MRTFA: variants seen among roughly 807,000 people sequenced by gnomAD.
The protein encoded by MRTFA is myocardin related transcription factor A.
In MRTFA, 20 loss-of-function variants were observed where a neutral mutation model predicts 83.5. The observed-to-expected ratio is 0.24, with a 90% CI of 0.17 to 0.35. The LOEUF is 0.35. MRTFA is among the 10% of genes least tolerant of loss of function. MRTFA has a pLI of 1.00. For synonymous variants in MRTFA, 659 were observed against 541.2 expected (o/e 1.22, Z -3.02); for missense variants, 1,200 against 1,224.7 (o/e 0.98, Z 0.30).
intron 1 of MRTFA, among the ~76,000 whole-genome samples, chr22:40,626,465 G>A (rs947153156): frequency 1.3e-5 from 2 of 151,982 alleles, no homozygotes; most frequent in East Asian, 1.9e-4. Flanking sequence ...GTTATTTTTT[G>A]TATTTTTTGT....
intron 3 of MRTFA, among the ~76,000 whole-genome samples, chr22:40,531,683 A>T (rs762279029): frequency 1.4e-4 from 22 of 152,222 alleles, no homozygotes; most frequent in Non-Finnish European, 2.9e-4. Flanking sequence ...GATAAAGCCC[A>T]AAAGTCTTGA....
chr22:40,496,740 A>C (rs967249921), intron 3 of MRTFA, among the ~76,000 whole-genome samples: 8 of 143,570 alleles, frequency 5.6e-5, no homozygotes, highest in Admixed American at 5.6e-4. Context: ...AGAACAATCT[A>C]TTTTCTCTTT....
chr22:40,416,613 C>A lies in MRTFA; in HGVS notation c.2578+373G>T, dbSNP rs1003213948. 6.6e-6 allele frequency among the ~76,000 whole-genome samples: 1 copy of A among 152,252 alleles called. No individual in the cohort carries two copies. Among genetic ancestry groups the A allele is most frequent in the African/African-American group, 2.4e-5 (1 of 41,472 alleles). On this transcript the variant is annotated intron_variant, in intron 14 of 14. Coordinates refer to ENST00000355630, the MANE Select transcript of MRTFA (RefSeq NM_020831.6). The surrounding 1 kb of genome is among the most constrained non-coding windows in gnomAD (Gnocchi z 4.2). ...GACATCCTGGACCTTCCCCACCAGG[C>A]TCCCCAGACCTCTCCCTCTCCTCCA...
intron 4 of MRTFA, among the ~76,000 whole-genome samples, chr22:40,454,967 A>G (rs2053557015): frequency 6.6e-6 from 1 of 152,138 alleles, no homozygotes; most frequent in Non-Finnish European, 1.5e-5. Context: ...TGCCTGGCTA[A>G]TTTTTAAAAA....
intron 3 of MRTFA, among the ~76,000 whole-genome samples, chr22:40,549,811 G>C (rs983448215): frequency 5.9e-5 from 9 of 152,284 alleles, no homozygotes; most frequent in South Asian, 4.1e-4. Flanking sequence ...CAGCACTTTG[G>C]GGGGCCAAGG....
In MRTFA at chr22:40,418,493, G is replaced by C. The variant is rs144758927; in HGVS notation, c.2245C>G (p.Leu749Val). Residue 749 changes from leucine to valine, a missense_variant, in exon 12 of 15, where the codon CTC becomes GTC. Physicochemically the swap from Leu to Val is conservative, Grantham distance 32 (BLOSUM62 1). Transcript: ENST00000355630. ...GTGGGAGGTGCAACCCCCTTGATGA[G>C]GCTGGGGCCCTGAGGCCCCAGAAGC... 6.2e-7 allele frequency: 1 copy of C among 1,607,876 alleles called. No individual in the cohort carries two copies. Among genetic ancestry groups the C allele is most frequent in the Non-Finnish European group, 8.5e-7 (1 of 1,178,036 alleles).
chr22:40,528,263 T>A (rs1308519203), intron 3 of MRTFA, among the ~76,000 whole-genome samples: 3 of 152,162 alleles, frequency 2.0e-5, no homozygotes, highest in Non-Finnish European at 4.4e-5. Context: ...TTCTGAGTAG[T>A]GACAGAATCC....
chr22:40,615,054 A>G (rs1487220364), intron 1 of MRTFA, among the ~76,000 whole-genome samples: 1 of 152,122 alleles, frequency 6.6e-6, no homozygotes, highest in African/African-American at 2.4e-5. Flanking sequence ...CTAGAAAAAA[A>G]AAAATCTGCC....
chr22:40,527,532 C>A (rs1317063360), intron 3 of MRTFA, among the ~76,000 whole-genome samples: 4 of 151,772 alleles, frequency 2.6e-5, no homozygotes, highest in Non-Finnish European at 5.9e-5. Flanking sequence ...CTGAGGTGGG[C>A]AGATCACGAA....
intron 1 of MRTFA, among the ~76,000 whole-genome samples, chr22:40,607,238 C>T (rs931013075): frequency 1.3e-5 from 2 of 152,146 alleles, no homozygotes; most frequent in Non-Finnish European, 2.9e-5. Flanking sequence ...GGTGCGGTGG[C>T]TCACGCTTGT....
intron 3 of MRTFA, among the ~76,000 whole-genome samples, chr22:40,473,255 GC>G (rs2053944449): frequency 6.6e-6 from 1 of 152,080 alleles, no homozygotes; most frequent in African/African-American, 2.4e-5. Flanking sequence ...GACCCACCAG[GC>G]TCAAACAATC....
At chr22:40,505,095 TACTC>T (rs1343583314) in intron 3 of MRTFA, among the ~76,000 whole-genome samples, 7 of 152,320 alleles carry the variant, frequency 4.6e-5, no homozygotes, top group East Asian at 3.9e-4. Flanking sequence ...CATTATCAGA[TACTC>T]ACAGCATCTA....
chr22:40,433,455 C>T (rs1367062117), intron 5 of MRTFA: 1 of 152,188 alleles, frequency 6.6e-6, no homozygotes, highest in African/African-American at 2.4e-5. Flanking sequence ...GGCAACATAG[C>T]AAAATCCCAC....
chr22:40,478,053 G>C (rs1333393919), intron 3 of MRTFA, among the ~76,000 whole-genome samples: 1 of 152,100 alleles, frequency 6.6e-6, no homozygotes, highest in Non-Finnish European at 1.5e-5. Flanking sequence ...CAAAATAGTT[G>C]TTAAAGGATC....
chr22:40,628,836 G>T (rs1045700481), intron 1 of MRTFA, among the ~76,000 whole-genome samples: 2 of 152,096 alleles, frequency 1.3e-5, no homozygotes, highest in Non-Finnish European at 2.9e-5. Flanking sequence ...AACAATGAGA[G>T]AACTGGACTT....
intron 2 of MRTFA, among the ~76,000 whole-genome samples, chr22:40,562,833 G>A (rs1602433785): frequency 6.6e-6 from 1 of 152,086 alleles, no homozygotes; most frequent in East Asian, 1.9e-4. Context: ...TCATCTCAAA[G>A]TAGTAAGATG....
intron 4 of MRTFA, among the ~76,000 whole-genome samples, chr22:40,457,481 A>AGAAG (rs2053613851): frequency 2.2e-5 from 3 of 138,942 alleles, no homozygotes; most frequent in Non-Finnish European, 1.6e-5. Context: ...AAAGAAAGAA[A>AGAAG]GAAAGAAGGA....
intron 9 of MRTFA, among the ~76,000 whole-genome samples, chr22:40,422,449 G>A (rs1180367132): frequency 6.6e-6 from 1 of 152,202 alleles, no homozygotes; most frequent in Non-Finnish European, 1.5e-5. Context: ...GGAAAAGCAG[G>A]GACACCTGCT....
intron 3 of MRTFA, among the ~76,000 whole-genome samples, chr22:40,495,295 A>C (rs1318080979): frequency 6.6e-6 from 1 of 151,774 alleles, no homozygotes; most frequent in African/African-American, 2.4e-5. Flanking sequence ...AAAAAAATAC[A>C]AAAAAAATTA....
Sources: allele counts gnomAD v4.1 joint callset (sites outside exome capture counted in the v4.1 genomes callset), GRCh38; gene constraint gnomAD v4.1.1; non-coding constraint Gnocchi (gnomAD v3.1); transcripts MANE v1.5; gene names NCBI Gene and HGNC (gene_info 2026-07-23, HGNC 2026-07-21).